The following KCNB2 variants were observed in gnomAD, a reference collection of about 807,000 sequenced individuals.
KCNB2 encodes potassium voltage-gated channel subfamily B member 2.
A neutral mutation model predicts 61.5 loss-of-function variants in KCNB2; 15 were observed. That is an observed-to-expected ratio of 0.24 (90% confidence interval 0.16 to 0.38). The LOEUF (loss-of-function observed/expected upper bound fraction) is 0.38. Ranked by LOEUF, KCNB2 falls within the 10% of genes least tolerant of loss-of-function variation. The pLI is 1.00. For missense variants in KCNB2, 828 were observed against 1,125.2 expected, an observed-to-expected ratio of 0.74 and a Z score of 3.78; for synonymous variants, 457 against 446.0, an observed-to-expected ratio of 1.02 and a Z score of -0.31.
At chr8:72,932,026 C>CAAAA (rs397970442) in intron 2 of KCNB2, among the ~76,000 whole-genome samples, 19,687 of 151,046 alleles carry the variant, frequency 0.13, 2,918 homozygotes, top group East Asian at 0.73. Context: ...AACAAACAAA[C>CAAAA]AAAAAAAACT....
intron 2 of KCNB2, among the ~76,000 whole-genome samples, chr8:72,811,103 A>G (rs921089771): frequency 6.6e-6 from 1 of 151,358 alleles, no homozygotes; most frequent in African/African-American, 2.4e-5. Flanking sequence ...AGAATGTTTC[A>G]GTTACCTGGA....
At chr8:72,743,736 T>C (rs1204350622) in intron 2 of KCNB2, among the ~76,000 whole-genome samples, 1 of 152,254 alleles carries the variant, frequency 6.6e-6, no homozygotes, top group Non-Finnish European at 1.5e-5. Flanking sequence ...TTATGACATA[T>C]TGTATATATA....
rs770779444 is a variant in KCNB2, at chr8:72,937,207, A to G, written c.1852A>G (p.Arg618Gly). ...TGCCACCGACTTCACAGAGACAGAGAGATCGCCGCTGCCGCCGCCCTCCGC... is the reference window on the plus strand; with the variant it reads ...TGCCACCGACTTCACAGAGACAGAGGGATCGCCGCTGCCGCCGCCCTCCGC... ...SCATDFTETE[R>G]SPLPPPSASH... The change falls in exon 3 of 3, where the codon AGA becomes GGA. Residue 618 changes from arginine (R) to glycine (G), a missense_variant. This residue lies in a region of KCNB2 where 559 missense variants were observed against 588.4 expected (regional missense o/e 0.95). Coordinates refer to ENST00000523207, the MANE Select transcript of KCNB2 (RefSeq NM_004770.3). The G allele has an allele frequency of 6.2e-7, 1 of 1,614,070 alleles. No individual in the cohort carries two copies. Among genetic ancestry groups the G allele is most frequent in the Non-Finnish European group, 8.5e-7 (1 of 1,180,016 alleles).
At chr8:72,679,783 A>C (rs973631038) in intron 2 of KCNB2, among the ~76,000 whole-genome samples, 10 of 152,286 alleles carry the variant, frequency 6.6e-5, no homozygotes, top group Non-Finnish European at 1.0e-4. Context: ...CTCACTGCAC[A>C]ATCTCTGGAC....
chr8:72,619,630 A>C (rs977242962), intron 2 of KCNB2, among the ~76,000 whole-genome samples: 1 of 151,986 alleles, frequency 6.6e-6, no homozygotes, highest in Non-Finnish European at 1.5e-5. Flanking sequence ...TCCTCAAGGA[A>C]GAAGTGCCCT....
chr8:72,755,478 G>C (rs1243281038), intron 2 of KCNB2, among the ~76,000 whole-genome samples: 2 of 152,154 alleles, frequency 1.3e-5, no homozygotes, highest in African/African-American at 2.4e-5. Flanking sequence ...ATCTAAAACT[G>C]TTCTAAAAAA....
At chr8:72,640,600 C>T (rs908621773) in intron 2 of KCNB2, among the ~76,000 whole-genome samples, 8 of 151,938 alleles carry the variant, frequency 5.3e-5, no homozygotes, top group African/African-American at 1.9e-4. Context: ...TTTTTAGAAA[C>T]TTCATTAAAA....
In KCNB2 at chr8:72,655,165, G is replaced by A. The variant is rs1231918045; in HGVS notation, c.579+86852G>A. Among the ~76,000 whole-genome samples the A allele has an allele frequency of 2.6e-5, 4 of 152,212 alleles. No homozygotes were observed. The South Asian group carries it at 8.3e-4, about 32-fold the overall frequency. On this transcript the variant is annotated intron_variant, in intron 2 of 2. Coordinates refer to ENST00000523207, the MANE Select transcript of KCNB2 (RefSeq NM_004770.3). ...TTGCAGCAACATGGATGGAGCTGGA[G>A]GCTATTATCCTAAGCAAACTAACAT...
chr8:72,548,549 A>G (rs535771189), intron 1 of KCNB2, among the ~76,000 whole-genome samples: 2 of 152,232 alleles, frequency 1.3e-5, no homozygotes, highest in South Asian at 4.1e-4. Flanking sequence ...CACATGCAAA[A>G]TGGGTGTTGG....
At chr8:72,595,244 G>T (rs551819209) in intron 2 of KCNB2, among the ~76,000 whole-genome samples, 1 of 151,808 alleles carries the variant, frequency 6.6e-6, no homozygotes, top group East Asian at 1.9e-4. Context: ...AGGCCCTCAA[G>T]TGCATCATGT....
intron 2 of KCNB2, among the ~76,000 whole-genome samples, chr8:72,857,201 C>T (rs1810220516): frequency 6.6e-6 from 1 of 152,088 alleles, no homozygotes; most frequent in South Asian, 2.1e-4. Context: ...CAGACTTGAA[C>T]AATATGCACA....
chr8:72,547,473 G>T (rs1806276006), intron 1 of KCNB2, among the ~76,000 whole-genome samples: 1 of 152,204 alleles, frequency 6.6e-6, no homozygotes, highest in Non-Finnish European at 1.5e-5. Context: ...AAGAACGTTT[G>T]TGATTGATGG....
chr8:72,840,947 CT>C (rs1809872263), intron 2 of KCNB2, among the ~76,000 whole-genome samples: 1 of 152,150 alleles, frequency 6.6e-6, no homozygotes, highest in African/African-American at 2.4e-5. Flanking sequence ...GTTGCCATTG[CT>C]TTTGGTGTGT....
intron 2 of KCNB2, among the ~76,000 whole-genome samples, chr8:72,765,806 A>C (rs1017129629): frequency 2.0e-5 from 3 of 152,196 alleles, no homozygotes; most frequent in Non-Finnish European, 4.4e-5. Flanking sequence ...CAGACTTTCT[A>C]ATTCACTGGA....
intron 2 of KCNB2, among the ~76,000 whole-genome samples, chr8:72,902,000 C>T (rs570469116): frequency 6.6e-6 from 1 of 152,240 alleles, no homozygotes; most frequent in South Asian, 2.1e-4. Flanking sequence ...AAGTACTCAA[C>T]AAGTGAGACA....
rs1809912681 is a variant in KCNB2 at position 72,842,657 on chromosome 8, T to C, written c.580-93278T>C. ...AAGATTTGACTTCTTCCTGGCTTGG[T>C]CCTGGGAGGGTGTATCTGTCCAGGA... On this transcript the variant is annotated intron_variant, in intron 2 of 2. Transcript: ENST00000523207. Among the ~76,000 whole-genome samples, 2 of 152,190 alleles carry C rather than the reference T, an allele frequency of 1.3e-5. 1 individual carries two copies. The highest frequency in any genetic ancestry group is 4.1e-4 in the South Asian group (2 of 4,830).
chr8:72,858,507 T>G (rs1285695690), intron 2 of KCNB2, among the ~76,000 whole-genome samples: 1 of 152,204 alleles, frequency 6.6e-6, no homozygotes, highest in Admixed American at 6.5e-5. Context: ...TACTGAAGTT[T>G]GTTAAATAAT....
intron 2 of KCNB2, among the ~76,000 whole-genome samples, chr8:72,577,233 A>G (rs1585762059): frequency 6.6e-6 from 1 of 152,146 alleles, no homozygotes; most frequent in Admixed American, 6.5e-5. Context: ...GGCTGAAGCC[A>G]GTAGCAGCAG....
chr8:72,734,869 A>G (rs938052462), intron 2 of KCNB2, among the ~76,000 whole-genome samples: 2 of 152,176 alleles, frequency 1.3e-5, no homozygotes, highest in Non-Finnish European at 2.9e-5. Context: ...GTTCTTCCCC[A>G]CCAGGGCCAG....
Sources: allele counts gnomAD v4.1 joint callset (sites outside exome capture counted in the v4.1 genomes callset), GRCh38; gene constraint gnomAD v4.1.1; regional missense constraint gnomAD v4.1.1; transcripts MANE v1.5; gene names NCBI Gene and HGNC (gene_info 2026-07-23, HGNC 2026-07-21).